SP3: variants seen among roughly 807,000 people sequenced by gnomAD.
SP3 encodes transcription factor Sp3.
A neutral mutation model predicts 70.3 loss-of-function variants in SP3; 10 were observed. That is an observed-to-expected ratio of 0.14 (90% confidence interval 0.09 to 0.24). SP3 has a LOEUF of 0.24. Ranked by LOEUF, SP3 falls within the 10% of genes least tolerant of loss-of-function variation. The pLI, the probability that SP3 is intolerant of heterozygous loss-of-function variation, is 1.00. For synonymous variants in SP3, 402 were observed against 333.5 expected (o/e 1.21, Z -2.24); for missense variants, 825 against 914.6 (o/e 0.90, Z 1.26).
At chr2:173,946,140 A>C (rs1690527626) in intron 4 of SP3, among the ~76,000 whole-genome samples, 1 of 152,080 alleles carries the variant, frequency 6.6e-6, no homozygotes, top group Non-Finnish European at 1.5e-5. Flanking sequence ...AATAATAATA[A>C]ATTGATTAAA....
intron 4 of SP3, among the ~76,000 whole-genome samples, chr2:173,935,231 T>C (rs566929757): frequency 6.6e-6 from 1 of 152,200 alleles, no homozygotes; most frequent in South Asian, 2.1e-4. Flanking sequence ...TGAGACCCTG[T>C]TTCCAAAAAT....
intron 4 of SP3, among the ~76,000 whole-genome samples, chr2:173,953,675 C>T (rs1270341787): frequency 2.0e-5 from 3 of 151,672 alleles, no homozygotes; most frequent in African/African-American, 4.9e-5. Flanking sequence ...GGCTGAGGCA[C>T]GAGAATTGCT....
In SP3 at chr2:173,902,906, G is replaced by A. The variant is rs7591398; in HGVS notation, c.*7035C>T. On this transcript the variant is annotated 3_prime_UTR_variant, in exon 7 of 7. Coordinates refer to ENST00000310015, the MANE Select transcript of SP3 (RefSeq NM_003111.5). ...CTATACAGATTTCAGGCACAACTGTGATCATTCCTTTCTAAAAGAAAAAAT... is the reference window on the plus strand; with the variant it reads ...CTATACAGATTTCAGGCACAACTGTAATCATTCCTTTCTAAAAGAAAAAAT... Among the ~76,000 whole-genome samples, 5,758 of 152,192 alleles carry A rather than the reference G, an allele frequency of 0.038. 153 individuals are homozygous for A. Among genetic ancestry groups the A allele is most frequent in the Admixed American group, 0.1 (1,573 of 15,284 alleles).
In SP3 at chr2:173,963,919, GGGGAGGGGGTGGC is replaced by G. The variant is rs777847956; in HGVS notation, c.157-49_157-37del. ...TGGGCGGGTTCAGAGAGGGAGACAG[GGGGAGGGGGTGGC>G]GGTTAGGGTCGGGCCGCCTTTCGCA... On this transcript the variant is annotated intron_variant, in intron 2 of 6. Coordinates refer to ENST00000310015, the MANE Select transcript of SP3 (RefSeq NM_003111.5). 7.8e-5 allele frequency: 110 copies of G among 1,405,152 alleles called. 2 individuals carry two copies. The East Asian group carries it at 3.3e-3, about 42-fold the overall frequency. 87.0% of individuals were successfully genotyped at this position (1,405,152 alleles called of 1,614,324 possible).
chr2:173,965,549 G>C (rs1406687061), upstream of SP3: 1 of 235,170 alleles, frequency 4.3e-6, no homozygotes, highest in African/African-American at 2.3e-5. Flanking sequence ...AGGTTTTCGA[G>C]AGCGGCTACG....
upstream of SP3, chr2:173,965,467 G>A: frequency 2.7e-6 from 1 of 367,882 alleles, no homozygotes; most frequent in South Asian, 4.6e-5. Context: ...CTGTCCGTCG[G>A]TCTGCCAGGC....
Position 173,904,311 on chromosome 2 carries a change from G to C in SP3, c.*5630C>G, listed in dbSNP as rs1303747076. Among the ~76,000 whole-genome samples the C allele has an allele frequency of 6.6e-6, 1 of 152,066 alleles. No homozygotes were observed. The highest frequency in any genetic ancestry group is 2.4e-5 in the African/African-American group (1 of 41,414). Reference sequence around the variant, plus strand: ...AGGGGTTGGGGACCCTTTTCTATAGGATCAAGTCATCAACTCTATGGTGTT... The same window carrying C: ...AGGGGTTGGGGACCCTTTTCTATAGCATCAAGTCATCAACTCTATGGTGTT... On this transcript the variant is annotated 3_prime_UTR_variant, in exon 7 of 7. Coordinates refer to ENST00000310015, the MANE Select transcript of SP3 (RefSeq NM_003111.5).
Position 173,901,864 on chromosome 2 carries a change from G to C in SP3, c.*8077C>G, listed in dbSNP as rs1464796976. Reference sequence around the variant, plus strand: ...TTGCAGGCATGCGCCACCACCCCCAGCTAATTTTGTACTTTTCATCACCAT... The same window carrying C: ...TTGCAGGCATGCGCCACCACCCCCACCTAATTTTGTACTTTTCATCACCAT... On this transcript the variant is annotated 3_prime_UTR_variant, in exon 7 of 7. Coordinates refer to ENST00000310015, the MANE Select transcript of SP3 (RefSeq NM_003111.5). 6.6e-6 allele frequency among the ~76,000 whole-genome samples: 1 copy of C among 152,002 alleles called. No homozygotes were observed. Among genetic ancestry groups the C allele is most frequent in the African/African-American group, 2.4e-5 (1 of 41,386 alleles).
chr2:173,953,782 AAC>A (rs386652856), intron 4 of SP3, among the ~76,000 whole-genome samples: 22 of 107,912 alleles, frequency 2.0e-4, no homozygotes, highest in African/African-American at 6.3e-4. Context: ...AACAAAACAA[AAC>A]AAAAAAAAAA....
intron 4 of SP3, among the ~76,000 whole-genome samples, chr2:173,923,347 T>G (rs938529314): frequency 1.4e-4 from 22 of 151,788 alleles, no homozygotes; most frequent in African/African-American, 5.1e-4. Context: ...AAACAGAAAA[T>G]TTAAATAATG....
Position 173,956,218 on chromosome 2 carries a change from A to G in SP3, c.294T>C (p.Ala98=), listed in dbSNP as rs773850525. Residue 98 remains alanine (A), a synonymous_variant, in exon 4 of 7, where the codon GCT becomes GCC. Coordinates refer to ENST00000310015, the MANE Select transcript of SP3 (RefSeq NM_003111.5). ...PAAAGATGDL[A]SAQLGGAPNR... ...TTGGTGCTCCTCCTAACTGTGCAGA[A>G]GCCAAATCACCTGTCTGGATGAAGA... 1 of 1,599,788 alleles carries G rather than the reference A, an allele frequency of 6.3e-7. No individual in the cohort carries two copies. Among genetic ancestry groups the G allele is most frequent in the East Asian group, 2.2e-5 (1 of 44,602 alleles).
chr2:173,954,622 A>G (rs183022546), intron 4 of SP3, among the ~76,000 whole-genome samples: 2 of 152,332 alleles, frequency 1.3e-5, no homozygotes, highest in East Asian at 3.8e-4. Flanking sequence ...AAACAAATAT[A>G]AAATTAAGAA....
At chr2:173,925,889 T>C (rs1485819307) in intron 4 of SP3, among the ~76,000 whole-genome samples, 2 of 152,170 alleles carry the variant, frequency 1.3e-5, no homozygotes, top group Non-Finnish European at 2.9e-5. Context: ...CACAAAAAGA[T>C]AAAGTTCTCA....
At position 173,915,002 on chromosome 2, in the gene SP3, C is replaced by T. The variant is rs530482154; in HGVS notation, c.1833-1736G>A. 4 of 152,260 alleles carry T rather than the reference C, an allele frequency of 2.6e-5. 1 individual carries two copies. The highest frequency in any genetic ancestry group is 7.2e-5 in the African/African-American group (3 of 41,548). 9.4% of individuals were successfully genotyped at this position (152,260 alleles called of 1,614,324 possible). A position where few individuals can be genotyped will look rare whatever the true frequency, so the allele number is the denominator to read the frequency against. ...CTCGTGTACTCATTATTTCATGCCT[C>T]TCCTCTAAGCCTACCACTCAGGTCA... On this transcript the variant is annotated intron_variant, in intron 5 of 6. Transcript: ENST00000310015.
Position 173,910,174 on chromosome 2 carries a change from T to G in SP3, c.2113A>C (p.Asn705His). The change falls in exon 7 of 7, where the codon AAT becomes CAT. Residue 705 changes from asparagine (N) to histidine (H), a missense_variant. Physicochemically the swap from Asn to His is moderately conservative, Grantham distance 68. Transcript: ENST00000310015. ...CTGCTAGAGTGAATACCTTTTTTATTCTGGTGTGTTTTAATATGTTTGGCA... is the reference window on the plus strand; with the variant it reads ...CTGCTAGAGTGAATACCTTTTTTATGCTGGTGTGTTTTAATATGTTTGGCA... Reference protein sequence around the residue: ...HLAKHIKTHQNKKGIHSSSTV... With the variant: ...HLAKHIKTHQHKKGIHSSSTV... 6.2e-7 allele frequency: 1 copy of G among 1,614,020 alleles called. No individual in the cohort carries two copies. The highest frequency in any genetic ancestry group is 1.3e-5 in the African/African-American group (1 of 75,050).
chr2:173,920,376 A>T (rs930114242), intron 4 of SP3, among the ~76,000 whole-genome samples: 11 of 152,158 alleles, frequency 7.2e-5, no homozygotes, highest in African/African-American at 2.7e-4. Context: ...ACATTTGTTC[A>T]AACTTACAGA....
chr2:173,916,017 T>C (rs1689611241), intron 5 of SP3: 2 of 152,098 alleles, frequency 1.3e-5, no homozygotes, highest in East Asian at 3.8e-4. Context: ...TTTTAATTAC[T>C]ATCTGTATCA....
Position 173,903,990 on chromosome 2 carries a change from T to C in SP3, c.*5951A>G, listed in dbSNP as rs929544459. Among the ~76,000 whole-genome samples, 15 of 34,526 alleles carry C rather than the reference T, an allele frequency of 4.3e-4. No homozygotes were observed. The highest frequency in any genetic ancestry group is 1.0e-3 in the South Asian group (1 of 980). The allele number at this position is 34,526 out of a possible 152,430, so 22.7% of individuals were successfully genotyped here. ...TTGAGGAAGACAATTTTTTCATGGA[T>C]GGGGGTCGGGGGGTGGGGATGGTTG... On this transcript the variant is annotated 3_prime_UTR_variant, in exon 7 of 7. Transcript: ENST00000310015.
Position 173,963,769 on chromosome 2 carries a change from C to A in SP3, c.271G>T (p.Ala91Ser). 1 of 1,291,906 alleles carries A rather than the reference C, an allele frequency of 7.7e-7. No homozygotes were observed. Among genetic ancestry groups the A allele is most frequent in the Non-Finnish European group, 1.0e-6 (1 of 1,002,574 alleles). 80.0% of individuals were successfully genotyped at this position (1,291,906 alleles called of 1,614,324 possible). ...AAAAAGAPAA[A>S]GATGDLASAQ... is the part of the protein sequence containing the mutation. ...CCGCGCGCGGGACTTACCGCTCCGG[C>A]GGCGGCGGGGGCCCCGGCTGCGGCG... The change falls in exon 3 of 7, where the codon GCC (alanine) becomes TCC (serine). Residue 91 changes from alanine to serine, a missense_variant. Coordinates refer to ENST00000310015, the MANE Select transcript of SP3 (RefSeq NM_003111.5).
Sources: gnomAD v4.1 joint callset for allele counts (sites outside exome capture counted in the v4.1 genomes callset) on GRCh38, gnomAD v4.1.1 for gene constraint, MANE v1.5 for transcripts, NCBI Gene and HGNC (gene_info 2026-07-23, HGNC 2026-07-21) for gene names.